The following CCNH variants were observed in gnomAD, a reference collection of about 807,000 sequenced individuals.
The protein encoded by CCNH is cyclin-H.
Under a neutral mutation model 41.9 loss-of-function variants are expected in CCNH, and 31 were observed. The observed-to-expected ratio is 0.74, with a 90% CI of 0.56 to 1.00. CCNH has a LOEUF of 1.00. Ranked by LOEUF, CCNH falls within the 50% of genes least tolerant of loss-of-function variation. CCNH has a pLI of 0.00. For synonymous variants in CCNH, 138 were observed against 136.1 expected, an observed-to-expected ratio of 1.01 and a Z score of -0.10; for missense variants, 362 against 388.4, an observed-to-expected ratio of 0.93 and a Z score of 0.57.
chr5:87,348,259 A>G (rs1203269967), intron 9 of CCNH, among the ~76,000 whole-genome samples: 1 of 151,992 alleles, frequency 6.6e-6, no homozygotes, highest in Non-Finnish European at 1.5e-5. Context: ...TTACTTCATA[A>G]GTGCCTTGAT....
chr5:87,333,185 T>A lies in CCNH; in HGVS notation c.*91-14288A>T, dbSNP rs185343334. The A allele has an allele frequency of 6.0e-4, 929 of 1,545,844 alleles. 4 individuals carry two copies. The African/African-American group carries it at 1.0e-2, about 17-fold the overall frequency. On this transcript the variant is annotated intron_variant and NMD_transcript_variant, in intron 9 of 9. Coordinates refer to the CCNH transcript ENST00000645953. ...ATGGAGTTTCTAATGTGAATTTTTA[T>A]TGGCTTTATGTGGATATACCTCTTT...
downstream of CCNH, among the ~76,000 whole-genome samples, chr5:87,390,424 C>T (rs1209791419): frequency 3.3e-5 from 5 of 151,792 alleles, no homozygotes; most frequent in African/African-American, 7.3e-5. Context: ...TGTTTCTCCC[C>T]GCCCCTCCCC....
chr5:87,318,768 A>T (rs961806297), exon 10 of CCNH: 3 of 152,222 alleles, frequency 2.0e-5, no homozygotes, highest in Admixed American at 2.0e-4. Context: ...CCCAAATCTC[A>T]TATTATTCTC....
chr5:87,398,408 T>G lies in CCNH; in HGVS notation c.872+986A>C, dbSNP rs190791623. On this transcript the variant is annotated intron_variant, in intron 7 of 8. Coordinates refer to ENST00000256897, the MANE Select transcript of CCNH (RefSeq NM_001239.4). The stretch of plus-strand genomic sequence containing the variant: ...CATCTTAAATATAAGATGCCACAGA[T>G]AACTCCCATTAAATTTTAACAAATA... 5.9e-5 allele frequency among the ~76,000 whole-genome samples: 9 copies of G among 152,258 alleles called. No individual in the cohort carries two copies. The East Asian group carries it at 1.7e-3, about 29-fold the overall frequency.
chr5:87,409,205 T>A lies in CCNH; in HGVS notation c.314+85A>T, dbSNP rs769442800. 7.5e-5 allele frequency: 51 copies of A among 677,210 alleles called. No homozygotes were observed. The highest frequency in any genetic ancestry group is 2.5e-4 in the Middle Eastern group (1 of 3,962). The allele number at this position is 677,210 out of a possible 1,614,324, so 42.0% of individuals were successfully genotyped here. ...GAAGTCAGTTCTCTCTCTCTCTCTC[T>A]CACAATTCTCTCCTCCCAAAAAATA... On this transcript the variant is annotated intron_variant, in intron 3 of 8. Transcript: ENST00000256897.
the CCNH span, among the ~76,000 whole-genome samples, chr5:87,312,588 G>A: frequency 2.6e-5 from 4 of 152,090 alleles, no homozygotes; most frequent in African/African-American, 9.7e-5. Context: ...CTTTTCGCTG[G>A]GTCTCCTCTT....
downstream of CCNH, chr5:87,392,884 C>T (rs1003061907): frequency 6.6e-6 from 1 of 152,360 alleles, no homozygotes; most frequent in Non-Finnish European, 1.5e-5. Flanking sequence ...GGACCTTGCT[C>T]TGATGCCAAA....
At chr5:87,334,747 A>C (rs1757844000) in intron 9 of CCNH, among the ~76,000 whole-genome samples, 2 of 152,208 alleles carry the variant, frequency 1.3e-5, no homozygotes, top group South Asian at 4.1e-4. Flanking sequence ...GGAGTAAAAA[A>C]TATTTATTGA....
intron 2 of CCNH, among the ~76,000 whole-genome samples, chr5:87,410,968 AT>A (rs951209463): frequency 2.6e-5 from 4 of 152,024 alleles, no homozygotes; most frequent in East Asian, 1.9e-4. Context: ...AAAGTAATTT[AT>A]TTTTTTTCTT....
chr5:87,380,439 G>A (rs1761629771), upstream of CCNH: 4 of 1,361,194 alleles, frequency 2.9e-6, no homozygotes, highest in South Asian at 3.5e-5. Flanking sequence ...GGTAAATTAA[G>A]CTTTTGGCTG....
intron 9 of CCNH, chr5:87,333,232 A>G (rs371681398): frequency 8.6e-5 from 138 of 1,605,892 alleles, no homozygotes; most frequent in Non-Finnish European, 1.0e-4. Flanking sequence ...TAAAAAGACT[A>G]TCTTTTTAAA....
upstream of CCNH, among the ~76,000 whole-genome samples, chr5:87,379,457 G>C (rs1455618094): frequency 6.6e-6 from 1 of 152,074 alleles, no homozygotes; most frequent in Admixed American, 6.6e-5. Context: ...ATTCAGAAAA[G>C]CTTTTAATCA....
intron 9 of CCNH, chr5:87,332,385 T>A: frequency 9.9e-7 from 1 of 1,012,168 alleles, no homozygotes; most frequent in Non-Finnish European, 1.5e-6. Context: ...TATTTTAGTA[T>A]AAGGATATAG....
intron 7 of CCNH, among the ~76,000 whole-genome samples, chr5:87,396,231 G>T (rs1187178917): frequency 1.3e-5 from 2 of 151,304 alleles, no homozygotes; most frequent in Admixed American, 1.3e-4. Flanking sequence ...TTGTATTAGG[G>T]CATCTGTGGA....
At chr5:87,367,693 C>T (rs962160355) in intron 9 of CCNH, among the ~76,000 whole-genome samples, 2 of 152,200 alleles carry the variant, frequency 1.3e-5, no homozygotes, top group Non-Finnish European at 2.9e-5. Flanking sequence ...TTTACACCAT[C>T]TTTTCATAGC....
intron 9 of CCNH, among the ~76,000 whole-genome samples, chr5:87,325,147 A>T (rs1460556813): frequency 6.6e-6 from 1 of 152,114 alleles, no homozygotes; most frequent in Non-Finnish European, 1.5e-5. Context: ...ACATGGTGTC[A>T]TCAAGGAGAA....
At chr5:87,378,386 A>C, upstream of CCNH, 1 of 1,612,444 alleles carries the variant, frequency 6.2e-7, no homozygotes, top group African/African-American at 1.3e-5. Context: ...TAATGTAAAT[A>C]TTTGTGTAGA....
At chr5:87,335,957 G>A (rs1253252654) in intron 9 of CCNH, among the ~76,000 whole-genome samples, 7 of 152,128 alleles carry the variant, frequency 4.6e-5, no homozygotes, top group African/African-American at 1.4e-4. Flanking sequence ...AGTACCACTC[G>A]TTGAGTTTTT....
At chr5:87,411,484 T>C (rs1040351693) in intron 1 of CCNH, 138 bp from the exon 2 acceptor site, 18 of 688,754 alleles carry the variant, frequency 2.6e-5, no homozygotes, top group Non-Finnish European at 4.0e-5. Context: ...TCTTTATAGA[T>C]TCGCTAATCA....
Sources: allele counts gnomAD v4.1 joint callset (sites outside exome capture counted in the v4.1 genomes callset), GRCh38; gene constraint gnomAD v4.1.1; transcripts MANE v1.5; gene names NCBI Gene and HGNC (gene_info 2026-07-23, HGNC 2026-07-21).